RAD51B: variants seen among roughly 807,000 people sequenced by gnomAD.
RAD51B encodes RAD51 paralog B.
Under a neutral mutation model 42.2 loss-of-function variants are expected in RAD51B, and 38 were observed. The observed-to-expected ratio is 0.90, with a 90% CI of 0.70 to 1.18. The LOEUF is 1.18. Ranked by LOEUF, RAD51B falls within the 50% of genes most tolerant of loss-of-function variation. The pLI is 0.00. For synonymous variants in RAD51B, 154 were observed against 145.2 expected (o/e 1.06, Z -0.43); for missense variants, 373 against 400.7 (o/e 0.93, Z 0.59).
At chr14:67,861,242 G>A (rs1459816605) in intron 4 of RAD51B, among the ~76,000 whole-genome samples, 1 of 151,940 alleles carries the variant, frequency 6.6e-6, no homozygotes, top group Non-Finnish European at 1.5e-5. Context: ...AGAATCCCTA[G>A]TGTACTCTAT....
chr14:68,415,531 A>G (rs1390220456), intron 9 of RAD51B, among the ~76,000 whole-genome samples: 1 of 152,224 alleles, frequency 6.6e-6, no homozygotes, highest in African/African-American at 2.4e-5. Flanking sequence ...TACTTGAGGA[A>G]ACAGATAAGC....
At chr14:68,194,567 T>G (rs2140911419) in intron 7 of RAD51B, among the ~76,000 whole-genome samples, 1 of 152,338 alleles carries the variant, frequency 6.6e-6, no homozygotes, top group Non-Finnish European at 1.5e-5. Context: ...AGCTTTGAGT[T>G]TCTTGAATAT....
intron 7 of RAD51B, among the ~76,000 whole-genome samples, chr14:67,994,004 T>C (rs1335836677): frequency 1.3e-5 from 2 of 152,168 alleles, no homozygotes; most frequent in East Asian, 1.9e-4. Context: ...AACTATTAGG[T>C]ATCCATAAAA....
intron 10 of RAD51B, among the ~76,000 whole-genome samples, chr14:68,525,030 C>CA (rs34702092): frequency 0.19 from 28,706 of 152,080 alleles, 3,453 homozygotes; most frequent in Non-Finnish European, 0.28. Context: ...ATTAAGGAAG[C>CA]AAAAAAGGTG....
intron 7 of RAD51B, among the ~76,000 whole-genome samples, chr14:68,088,287 T>G (rs1212063383): frequency 6.6e-6 from 1 of 151,820 alleles, no homozygotes; most frequent in East Asian, 1.9e-4. Context: ...AGAAAAGAGA[T>G]AAAATTCTAG....
chr14:67,865,241 C>CTTTT, intron 5 of RAD51B, 102 bp downstream of exon 5: 5 of 879,886 alleles, frequency 5.7e-6, no homozygotes, highest in Admixed American at 4.2e-5. Flanking sequence ...TCCCCCTTGC[C>CTTTT]TTTTTTTTTT....
chr14:67,898,626 G>A (rs926578269), intron 7 of RAD51B, among the ~76,000 whole-genome samples: 20 of 152,152 alleles, frequency 1.3e-4, no homozygotes, highest in Admixed American at 2.6e-4. Context: ...AGAAGTAATG[G>A]ATGTGTTTAT....
chr14:67,862,696 A>G (rs148905904), intron 4 of RAD51B, among the ~76,000 whole-genome samples: 4 of 152,288 alleles, frequency 2.6e-5, no homozygotes, highest in African/African-American at 9.6e-5. Context: ...AGGACCTGAC[A>G]TTTCAATCAC....
intron 7 of RAD51B, among the ~76,000 whole-genome samples, chr14:68,045,634 C>T (rs1315112331): frequency 1.3e-5 from 2 of 152,030 alleles, no homozygotes; most frequent in Non-Finnish European, 2.9e-5. Flanking sequence ...ATGTTCTGTA[C>T]CTGCACATTT....
intron 4 of RAD51B, among the ~76,000 whole-genome samples, 173 bp downstream of exon 4, chr14:67,835,369 G>A (rs1190515098): frequency 1.3e-5 from 2 of 152,162 alleles, no homozygotes; most frequent in African/African-American, 2.4e-5. Context: ...TCTGCAAACA[G>A]AGGTGTTAAA....
At chr14:67,950,471 G>T (rs909728417) in intron 7 of RAD51B, among the ~76,000 whole-genome samples, 2 of 152,202 alleles carry the variant, frequency 1.3e-5, no homozygotes, top group Non-Finnish European at 2.9e-5. Context: ...TTAGGGCCTT[G>T]CTCTGGATTA....
At chr14:68,359,104 G>T (rs7141945) in intron 8 of RAD51B, among the ~76,000 whole-genome samples, 5,164 of 152,060 alleles carry the variant, frequency 0.034, 114 homozygotes, top group Middle Eastern at 0.054. Flanking sequence ...TGAGTTTTAT[G>T]ATGCATCTGA....
intron 7 of RAD51B, among the ~76,000 whole-genome samples, chr14:67,946,580 C>T (rs2045402024): frequency 6.6e-6 from 1 of 152,202 alleles, no homozygotes; most frequent in Non-Finnish European, 1.5e-5. Flanking sequence ...CTTGGCCAGG[C>T]TGGTCTTGAA....
chr14:68,672,079 T>C (rs1033992392), intron 11 of RAD51B, among the ~76,000 whole-genome samples: 1 of 152,096 alleles, frequency 6.6e-6, no homozygotes, highest in African/African-American at 2.4e-5. Context: ...GTGATGATAA[T>C]GGTATTTATA....
intron 7 of RAD51B, among the ~76,000 whole-genome samples, chr14:68,173,822 A>G (rs1381206333): frequency 6.6e-6 from 1 of 152,182 alleles, no homozygotes. Context: ...AGATGAGTAA[A>G]AGTCTTAAGA....
intron 7 of RAD51B, among the ~76,000 whole-genome samples, chr14:67,982,352 T>C (rs2075110402): frequency 6.6e-6 from 1 of 152,222 alleles, no homozygotes; most frequent in Non-Finnish European, 1.5e-5. Flanking sequence ...TTGAAAGCAA[T>C]ATTATTTAAC....
At chr14:68,230,085 A>G (rs563343478) in intron 7 of RAD51B, among the ~76,000 whole-genome samples, 37 of 152,338 alleles carry the variant, frequency 2.4e-4, no homozygotes, top group African/African-American at 8.4e-4. Context: ...CTGAGAAGGC[A>G]CAGAGGAGAC....
chr14:68,438,100 G>A (rs776584590), intron 9 of RAD51B, among the ~76,000 whole-genome samples: 8 of 152,142 alleles, frequency 5.3e-5, no homozygotes, highest in Non-Finnish European at 7.4e-5. Flanking sequence ...ACTCAGTCCT[G>A]CAGGTTTTCA....
chr14:68,249,494 TTAAA>T (rs2080573888), intron 7 of RAD51B, among the ~76,000 whole-genome samples: 1 of 152,206 alleles, frequency 6.6e-6, no homozygotes, highest in Non-Finnish European at 1.5e-5. Flanking sequence ...TCGGATTTCA[TTAAA>T]TAGTGAGCTT....
Sources: gnomAD v4.1 joint callset for allele counts (sites outside exome capture counted in the v4.1 genomes callset) on GRCh38, gnomAD v4.1.1 for gene constraint, MANE v1.5 for transcripts, NCBI Gene and HGNC (gene_info 2026-07-23, HGNC 2026-07-21) for gene names.